ACOX2: variants seen among roughly 807,000 people sequenced by gnomAD.
ACOX2 encodes acyl-CoA oxidase 2.
Under a neutral mutation model 77.5 loss-of-function variants are expected in ACOX2, and 59 were observed. That is an observed-to-expected ratio of 0.76 (90% CI 0.62 to 0.95). The LOEUF (loss-of-function observed/expected upper bound fraction) is 0.95. Among genes scored for constraint, ACOX2 ranks in the 40% least tolerant of loss-of-function variants. The probability of loss-of-function intolerance (pLI) is 0.00; values close to 1 mark genes in which losing one functional copy is unlikely to be tolerated. For missense variants in ACOX2, 837 were observed against 880.4 expected, an observed-to-expected ratio of 0.95 and a Z score of 0.62; for synonymous variants, 317 against 340.1, an observed-to-expected ratio of 0.93 and a Z score of 0.75.
rs929927555 is a variant in ACOX2 at position 58,528,869 on chromosome 3, C to T, written c.1080G>A (p.Leu360=). The T allele has an allele frequency of 6.2e-7, 1 of 1,613,754 alleles. No homozygotes were observed. Among genetic ancestry groups the T allele is most frequent in the Non-Finnish European group, 8.5e-7 (1 of 1,179,852 alleles). Reference sequence around the variant, plus strand: ...GGAAGAACTCCAAGAGGCTGACTGCCAGGAAATGGAAGGCATAACTGATGG... The same window carrying T: ...GGAAGAACTCCAAGAGGCTGACTGCTAGGAAATGGAAGGCATAACTGATGG... ...QLAISYAFHF[L]AVSLLEFFQH... is the part of the protein sequence containing the mutation. The change falls in exon 9 of 15, where the codon CTG becomes CTA. Residue 360 remains leucine (L), a synonymous_variant. Coordinates refer to ENST00000302819, the MANE Select transcript of ACOX2 (RefSeq NM_003500.4). This position sits in a 1 kb window ranked among gnomAD's most constrained non-coding sequence, Gnocchi z 5.6.
Position 58,507,388 on chromosome 3 carries a change from C to T in ACOX2, c.1983+1505G>A, listed in dbSNP as rs781741777. Among the ~76,000 whole-genome samples the T allele has an allele frequency of 2.6e-5, 4 of 152,150 alleles. 1 individual carries two copies. Among genetic ancestry groups the T allele is most frequent in the South Asian group, 4.1e-4 (2 of 4,822 alleles). On this transcript the variant is annotated intron_variant, in intron 14 of 14. Coordinates refer to ENST00000302819, the MANE Select transcript of ACOX2 (RefSeq NM_003500.4). ...GACCCTCTGGGTCAGTCATTCCTCT[C>T]GTTTAGATAAACATGTTCTCATGTA... is the stretch of plus-strand genomic sequence containing the variant.
Position 58,522,881 on chromosome 3 carries a change from G to T in ACOX2, c.1527-280C>A, listed in dbSNP as rs147501822. 123 of 377,802 alleles carry T rather than the reference G, an allele frequency of 3.3e-4. 1 individual carries two copies. The East Asian group carries it at 6.8e-3, about 21-fold the overall frequency. The allele number at this position is 377,802 out of a possible 1,614,324, so 23.4% of individuals were successfully genotyped here. ...CCAGGATTTTGACTTGTTGTTAATC[G>T]CCATGTTATAAAGCCTCAGGGCCAC... On this transcript the variant is annotated intron_variant, in intron 11 of 14. Transcript: ENST00000302819. This position sits in a 1 kb window ranked among gnomAD's most constrained non-coding sequence, Gnocchi z 4.3.
chr3:58,514,469 C>G lies in ACOX2; in HGVS notation c.1850+2737G>C, dbSNP rs757058880. Among the ~76,000 whole-genome samples the G allele has an allele frequency of 6.6e-6, 1 of 152,186 alleles. No individual in the cohort carries two copies. The highest frequency in any genetic ancestry group is 6.5e-5 in the Admixed American group (1 of 15,278). ...CAGTTAACATTGCAGAGAGCTTGTT[C>G]TTGGCATCCATAGCATACTATGCCG... On this transcript the variant is annotated intron_variant, in intron 13 of 14. Transcript: ENST00000302819. This position sits in a 1 kb window ranked among gnomAD's most constrained non-coding sequence, Gnocchi z 4.3.
intron 14 of ACOX2, among the ~76,000 whole-genome samples, chr3:58,506,742 C>T (rs1488106448): frequency 2.0e-5 from 3 of 152,058 alleles, no homozygotes; most frequent in East Asian, 1.9e-4. Flanking sequence ...CAGTGAGCCG[C>T]GGTTGTGCCA....
At position 58,521,393 on chromosome 3, in the gene ACOX2, C is replaced by T. The variant is rs1400510369; in HGVS notation, c.1632+1103G>A. 3.3e-5 allele frequency among the ~76,000 whole-genome samples: 5 copies of T among 152,210 alleles called. No homozygotes were observed. Among genetic ancestry groups the T allele is most frequent in the East Asian group, 1.9e-4 (1 of 5,192 alleles). On this transcript the variant is annotated intron_variant, in intron 12 of 14. Coordinates refer to ENST00000302819, the MANE Select transcript of ACOX2 (RefSeq NM_003500.4). The surrounding 1 kb of genome is among the most constrained non-coding windows in gnomAD (Gnocchi z 4.8). ...ATCACTTTAGTTTTCCAGTTATTGG[C>T]GGTGCCAGAGTCCCAGCTGCCTAAG... is the stretch of plus-strand genomic sequence containing the variant.
chr3:58,505,366 T>G lies in ACOX2; in HGVS notation c.1984-80A>C. ...GACTTTCACTTTCAAATTAAGTCTC[T>G]AGCTTCAAAAAGTAACATTACGTAA... On this transcript the variant is annotated intron_variant, in intron 14 of 14. Transcript: ENST00000302819. This position sits in a 1 kb window ranked among gnomAD's most constrained non-coding sequence, Gnocchi z 4.4. The G allele has an allele frequency of 3.4e-6, 4 of 1,176,180 alleles. No homozygotes were observed. The highest frequency in any genetic ancestry group is 4.8e-6 in the Non-Finnish European group (4 of 832,896). The allele number at this position is 1,176,180 out of a possible 1,614,324, so 72.9% of individuals were successfully genotyped here.
Position 58,526,944 on chromosome 3 carries a change from C to G in ACOX2, c.1156-288G>C, listed in dbSNP as rs1576997255. ...GAGGGTGCTGCCTGGATTGGGCCCACAAACCTCCAGGAGTTACGGATTTTG... is the reference window on the plus strand; with the variant it reads ...GAGGGTGCTGCCTGGATTGGGCCCAGAAACCTCCAGGAGTTACGGATTTTG... On this transcript the variant is annotated intron_variant, in intron 9 of 14. Coordinates refer to ENST00000302819, the MANE Select transcript of ACOX2 (RefSeq NM_003500.4). The surrounding 1 kb of genome is among the most constrained non-coding windows in gnomAD (Gnocchi z 4.3). Among the ~76,000 whole-genome samples, 1 of 152,170 alleles carries G rather than the reference C, an allele frequency of 6.6e-6. No homozygotes were observed. Among genetic ancestry groups the G allele is most frequent in the African/African-American group, 2.4e-5 (1 of 41,434 alleles).
Position 58,524,398 on chromosome 3 carries a change from G to A in ACOX2, c.1526+28C>T, listed in dbSNP as rs774988404. The A allele has an allele frequency of 1.2e-6, 2 of 1,601,234 alleles. No homozygotes were observed. The highest frequency in any genetic ancestry group is 8.5e-7 in the Non-Finnish European group (1 of 1,169,770). ...TGGCATGGAGCCTGTGCCCAGGTGG[G>A]ATGGCTGATTTCTCAGCACTGGCTT... is the stretch of plus-strand genomic sequence containing the variant. On this transcript the variant is annotated intron_variant, in intron 11 of 14. Transcript: ENST00000302819. The surrounding 1 kb of genome is among the most constrained non-coding windows in gnomAD (Gnocchi z 5.5).
intron 13 of ACOX2, among the ~76,000 whole-genome samples, chr3:58,509,409 C>T (rs1315923648): frequency 6.6e-6 from 1 of 151,482 alleles, no homozygotes. Context: ...TGCCTGTAGT[C>T]CCAACTACTT....
Position 58,533,846 on chromosome 3 carries a change from G to A in ACOX2, c.475+148C>T, listed in dbSNP as rs1026564448. 2.3e-5 allele frequency: 25 copies of A among 1,084,168 alleles called. No homozygotes were observed. Among genetic ancestry groups the A allele is most frequent in the African/African-American group, 3.2e-5 (2 of 62,790 alleles). The allele number at this position is 1,084,168 out of a possible 1,614,324, so 67.2% of individuals were successfully genotyped here. On this transcript the variant is annotated intron_variant, in intron 4 of 14. Coordinates refer to ENST00000302819, the MANE Select transcript of ACOX2 (RefSeq NM_003500.4). This position sits in a 1 kb window ranked among gnomAD's most constrained non-coding sequence, Gnocchi z 5.6. ...ATTAGAAGGTGGCACCCCTTCCTCA[G>A]GACCCTTGACTGCCAGCTGCTGGAA...
At position 58,506,000 on chromosome 3, in the gene ACOX2, A is replaced by G. The variant is rs896502235; in HGVS notation, c.1984-714T>C. On this transcript the variant is annotated intron_variant, in intron 14 of 14. Coordinates refer to ENST00000302819, the MANE Select transcript of ACOX2 (RefSeq NM_003500.4). This position sits in a 1 kb window ranked among gnomAD's most constrained non-coding sequence, Gnocchi z 4.4. Reference sequence around the variant, plus strand: ...GAGACGGAGTTTTGCCATGTTGGCCAGGTTGGTCTCAAACTCCTAACCTCA... The same window carrying G: ...GAGACGGAGTTTTGCCATGTTGGCCGGGTTGGTCTCAAACTCCTAACCTCA... Among the ~76,000 whole-genome samples, 2 of 152,170 alleles carry G rather than the reference A, an allele frequency of 1.3e-5. No homozygotes were observed. The highest frequency in any genetic ancestry group is 1.3e-4 in the Admixed American group (2 of 15,276).
At position 58,521,270 on chromosome 3, in the gene ACOX2, C is replaced by T. The variant is rs1352093638; in HGVS notation, c.1632+1226G>A. ...GTGGTGGTGCTCAACGTCCAGCCTGCCTGACCAGCCCTGTCCCACGAGGGC... is the reference window on the plus strand; with the variant it reads ...GTGGTGGTGCTCAACGTCCAGCCTGTCTGACCAGCCCTGTCCCACGAGGGC... On this transcript the variant is annotated intron_variant, in intron 12 of 14. Transcript: ENST00000302819. The surrounding 1 kb of genome is among the most constrained non-coding windows in gnomAD (Gnocchi z 4.8). 1.3e-5 allele frequency among the ~76,000 whole-genome samples: 2 copies of T among 152,210 alleles called. No homozygotes were observed. The highest frequency in any genetic ancestry group is 4.8e-5 in the African/African-American group (2 of 41,462).
At chr3:58,529,090 A>G (rs1193243816) in intron 8 of ACOX2, 134 bp from the exon 9 acceptor site, 2 of 844,954 alleles carry the variant, frequency 2.4e-6, no homozygotes, top group African/African-American at 1.7e-5. Context: ...ACATGAGGCC[A>G]TTGATAATCC....
chr3:58,534,563 A>C lies in ACOX2; in HGVS notation c.161-41T>G. On this transcript the variant is annotated intron_variant, in intron 2 of 14. Coordinates refer to ENST00000302819, the MANE Select transcript of ACOX2 (RefSeq NM_003500.4). This position sits in a 1 kb window ranked among gnomAD's most constrained non-coding sequence, Gnocchi z 4.8. ...AACAGAGGGCTTAGGGACCTGGGTGAGGTTTCTGGCACCTTGAAATCTTCT... is the reference window on the plus strand; with the variant it reads ...AACAGAGGGCTTAGGGACCTGGGTGCGGTTTCTGGCACCTTGAAATCTTCT... 2 of 1,614,044 alleles carry C rather than the reference A, an allele frequency of 1.2e-6. No homozygotes were observed. The highest frequency in any genetic ancestry group is 1.7e-6 in the Non-Finnish European group (2 of 1,179,996).
chr3:58,508,955 A>T lies in ACOX2; in HGVS notation c.1921T>A (p.Tyr641Asn). The change falls in exon 14 of 15, where the codon TAT becomes AAT. Residue 641 changes from tyrosine (Y) to asparagine (N), a missense_variant. Transcript: ENST00000302819. Reference sequence around the variant, plus strand: ...AGGCGTTCGTAGACGTTTCCATCATAACAGCCAAGTGCTGAATTTAAACAC... The same window carrying T: ...AGGCGTTCGTAGACGTTTCCATCATTACAGCCAAGTGCTGAATTTAAACAC... The part of the protein sequence containing the change: ...DQCLNSALGC[Y>N]DGNVYERLFQ... 1 of 1,614,214 alleles carries T rather than the reference A, an allele frequency of 6.2e-7. No individual in the cohort carries two copies. Among genetic ancestry groups the T allele is most frequent in the Non-Finnish European group, 8.5e-7 (1 of 1,180,034 alleles).
Position 58,524,713 on chromosome 3 carries a change from G to A in ACOX2, c.1347-108C>T, listed in dbSNP as rs565035058. ...GCTCATGCTAGGTTCCAGCCTTCCC[G>A]TGGGAGAGCCAGGTCACCAGGCCTC... On this transcript the variant is annotated intron_variant, in intron 10 of 14. Coordinates refer to ENST00000302819, the MANE Select transcript of ACOX2 (RefSeq NM_003500.4). The surrounding 1 kb of genome is among the most constrained non-coding windows in gnomAD (Gnocchi z 5.5). The A allele has an allele frequency of 8.7e-6, 11 of 1,262,906 alleles. No homozygotes were observed. The highest frequency in any genetic ancestry group is 7.4e-5 in the African/African-American group (5 of 67,510). The allele number at this position is 1,262,906 out of a possible 1,614,324, so 78.2% of individuals were successfully genotyped here.
At chr3:58,511,925 A>G (rs570110765) in intron 13 of ACOX2, among the ~76,000 whole-genome samples, 164 of 152,282 alleles carry the variant, frequency 1.1e-3, no homozygotes, top group African/African-American at 3.7e-3. Flanking sequence ...TGCCACGGTT[A>G]CTTCCTTATT....
chr3:58,508,426 G>C lies in ACOX2; in HGVS notation c.1983+467C>G, dbSNP rs535318303. On this transcript the variant is annotated intron_variant, in intron 14 of 14. Transcript: ENST00000302819. Reference sequence around the variant, plus strand: ...TGAAGAGGAGAGGGTATCATCTCTAGCAGGCAATCAGGTCTAAGAGAGACA... The same window carrying C: ...TGAAGAGGAGAGGGTATCATCTCTACCAGGCAATCAGGTCTAAGAGAGACA... Among the ~76,000 whole-genome samples, 11 of 152,276 alleles carry C rather than the reference G, an allele frequency of 7.2e-5. No individual in the cohort carries two copies. In the South Asian group the frequency reaches 2.3e-3, roughly 32 times the overall value.
Position 58,521,235 on chromosome 3 carries a change from G to C in ACOX2, c.1632+1261C>G, listed in dbSNP as rs544172165. On this transcript the variant is annotated intron_variant, in intron 12 of 14. Coordinates refer to ENST00000302819, the MANE Select transcript of ACOX2 (RefSeq NM_003500.4). This position sits in a 1 kb window ranked among gnomAD's most constrained non-coding sequence, Gnocchi z 4.8. ...CCATCACGTGTGGTGTGGTGGAGGT[G>C]GTGGGTCACGTGGTGGTGCTCAACG... 7.9e-4 allele frequency among the ~76,000 whole-genome samples: 121 copies of C among 152,258 alleles called. No individual in the cohort carries two copies. The highest frequency in any genetic ancestry group is 2.8e-3 in the African/African-American group (116 of 41,548).
Sources: allele counts gnomAD v4.1 joint callset (sites outside exome capture counted in the v4.1 genomes callset), GRCh38; gene constraint gnomAD v4.1.1; non-coding constraint Gnocchi (gnomAD v3.1); transcripts MANE v1.5; gene names NCBI Gene and HGNC (gene_info 2026-07-23, HGNC 2026-07-21).